The following MCUR1 variants were observed in gnomAD, a reference collection of about 807,000 sequenced individuals.
MCUR1 encodes the protein MCU regulator 1.
In MCUR1, 37 loss-of-function variants were observed where a neutral mutation model predicts 42.0. The observed-to-expected ratio is 0.88, with a 90% CI of 0.68 to 1.16. MCUR1 has a LOEUF of 1.16. MCUR1 is among the 50% of genes most tolerant of loss of function. MCUR1 has a pLI of 0.00. For missense variants in MCUR1, 469 were observed against 468.4 expected, an observed-to-expected ratio of 1.00 and a Z score of -0.01; for synonymous variants, 229 against 196.2, an observed-to-expected ratio of 1.17 and a Z score of -1.40.
In MCUR1 at chr6:13,802,354, A is replaced by C. The variant is rs41271332; in HGVS notation, c.536-8T>G. On this transcript the variant is annotated splice_region_variant and splice_polypyrimidine_tract_variant and intron_variant, in intron 2 of 8. Transcript: ENST00000379170. ...CTTGTTGAGTAGCAAACCCTAAGCA[A>C]GCACACAAGCAAAAAAAATCATGCT... is the stretch of plus-strand genomic sequence containing the variant. 1.3e-4 allele frequency: 202 copies of C among 1,609,226 alleles called. No individual in the cohort carries two copies. The highest frequency in any genetic ancestry group is 4.2e-4 in the Admixed American group (25 of 59,828).
Position 13,814,467 on chromosome 6 carries a change from C to T in MCUR1, c.-38G>A, listed in dbSNP as rs944786419. On this transcript the variant is annotated 5_prime_UTR_variant, in exon 1 of 9. Transcript: ENST00000379170. ...CACTGGCCCGGGCGCGCGCTCATGCCTCTCGCTTTTGGCGCCGGCCACGCG... is the reference window on the plus strand; with the variant it reads ...CACTGGCCCGGGCGCGCGCTCATGCTTCTCGCTTTTGGCGCCGGCCACGCG... The T allele has an allele frequency of 2.3e-5, 33 of 1,449,840 alleles. No homozygotes were observed. The highest frequency in any genetic ancestry group is 2.6e-5 in the Non-Finnish European group (29 of 1,111,342). 89.8% of individuals were successfully genotyped at this position (1,449,840 alleles called of 1,614,324 possible).
chr6:13,806,043 C>T (rs936572464), intron 2 of MCUR1, among the ~76,000 whole-genome samples: 2 of 152,200 alleles, frequency 1.3e-5, no homozygotes, highest in Admixed American at 6.5e-5. Context: ...ATCACAAGGT[C>T]AGGAGTTCGA....
At chr6:13,797,424 T>C (rs550884177) in intron 6 of MCUR1, among the ~76,000 whole-genome samples, 18 of 152,228 alleles carry the variant, frequency 1.2e-4, no homozygotes, top group African/African-American at 4.3e-4. Context: ...TAAAACACAC[T>C]TAGGCCGGGC....
At chr6:13,803,200 T>C (rs1760031101) in intron 2 of MCUR1, among the ~76,000 whole-genome samples, 1 of 152,188 alleles carries the variant, frequency 6.6e-6, no homozygotes, top group Admixed American at 6.5e-5. Flanking sequence ...TAGCTGGAAT[T>C]ACAGGCATGC....
Position 13,814,334 on chromosome 6 carries a change from G to T in MCUR1, c.96C>A (p.Gly32=). The change falls in exon 1 of 9, where the codon GGC becomes GGA. Residue 32 remains glycine, a synonymous_variant. Coordinates refer to ENST00000379170, the MANE Select transcript of MCUR1 (RefSeq NM_001031713.4). ...AGCGGCGTGCTGAGGTTTCGCTGCC[G>T]CCCGGTCTTCCGCTGAGGCCCACGG... ...FLPVGLSGRP[G]GSETSARRCL... 1 of 1,509,828 alleles carries T rather than the reference G, an allele frequency of 6.6e-7. No individual in the cohort carries two copies. The highest frequency in any genetic ancestry group is 8.8e-7 in the Non-Finnish European group (1 of 1,136,070). The allele number at this position is 1,509,828 out of a possible 1,614,324, so 93.5% of individuals were successfully genotyped here.
chr6:13,798,773 C>A, intron 6 of MCUR1, 60 bp downstream of exon 6: 1 of 1,337,044 alleles, frequency 7.5e-7, no homozygotes, highest in Non-Finnish European at 1.1e-6. Context: ...TTAGGCTTAA[C>A]CAAGCATTCC....
intron 4 of MCUR1, 55 bp from the exon 5 acceptor site, chr6:13,800,437 C>G (rs376601473): frequency 4.1e-6 from 4 of 975,780 alleles, no homozygotes; most frequent in East Asian, 2.6e-5. Context: ...ACGTAGTAAC[C>G]AACAAATATT....
Position 13,787,759 on chromosome 6 carries a change from G to C in MCUR1, c.*3050C>G, listed in dbSNP as rs904905934. On this transcript the variant is annotated 3_prime_UTR_variant, in exon 9 of 9. Coordinates refer to ENST00000379170, the MANE Select transcript of MCUR1 (RefSeq NM_001031713.4). ...CCCATGTGCTAGACATAGGTTGCTA[G>C]CTAGAAGTTTTGCCAGCCATCTTCC... The C allele has an allele frequency of 6.6e-6, 1 of 152,226 alleles. No individual in the cohort carries two copies. The highest frequency in any genetic ancestry group is 6.5e-5 in the Admixed American group (1 of 15,274). 9.4% of individuals were successfully genotyped at this position (152,226 alleles called of 1,614,324 possible). A position where few individuals can be genotyped will look rare whatever the true frequency, so the allele number is the denominator to read the frequency against.
At position 13,790,730 on chromosome 6, in the gene MCUR1, G is replaced by A. The variant is rs1277362530; in HGVS notation, c.*79C>T. On this transcript the variant is annotated 3_prime_UTR_variant, in exon 9 of 9. Transcript: ENST00000379170. ...AGCCTCCCAAAGTGCTGGAATTACA[G>A]GTGTGAGCCACCGCACCCAGCCAAC... 8.9e-7 allele frequency: 1 copy of A among 1,121,264 alleles called. No homozygotes were observed. The highest frequency in any genetic ancestry group is 1.3e-6 in the Non-Finnish European group (1 of 754,446). The allele number at this position is 1,121,264 out of a possible 1,614,324, so 69.5% of individuals were successfully genotyped here.
At chr6:13,797,070 T>C (rs767918530) in intron 6 of MCUR1, among the ~76,000 whole-genome samples, 45 of 152,222 alleles carry the variant, frequency 3.0e-4, no homozygotes, top group Admixed American at 5.9e-4. Context: ...TTATTTTGTA[T>C]AACGAAGCTT....
At position 13,813,540 on chromosome 6, in the gene MCUR1, G is replaced by T. The variant is rs144047054; in HGVS notation, c.415+475C>A. Among the ~76,000 whole-genome samples the T allele has an allele frequency of 2.0e-5, 3 of 152,292 alleles. No homozygotes were observed. In the East Asian group the frequency reaches 5.8e-4, roughly 29 times the overall value. ...ATATATCTCACACATCTAGAAAAGC[G>T]CCAGGGACAGGGCAGACGCTAGGAC... On this transcript the variant is annotated intron_variant, in intron 1 of 8. Transcript: ENST00000379170.
At chr6:13,797,490 C>T (rs553331971) in intron 6 of MCUR1, among the ~76,000 whole-genome samples, 2 of 151,732 alleles carry the variant, frequency 1.3e-5, no homozygotes, top group South Asian at 2.1e-4. Flanking sequence ...GGGCGGATCA[C>T]GAGGTCAGGA....
At chr6:13,804,908 T>C (rs1310533757) in intron 2 of MCUR1, among the ~76,000 whole-genome samples, 2 of 150,194 alleles carry the variant, frequency 1.3e-5, no homozygotes, top group Non-Finnish European at 1.5e-5. Context: ...ATGACAGGCA[T>C]ATGAGAAATT....
intron 2 of MCUR1, among the ~76,000 whole-genome samples, chr6:13,805,450 G>A (rs903691237): frequency 1.3e-5 from 2 of 152,104 alleles, no homozygotes; most frequent in South Asian, 2.1e-4. Flanking sequence ...TCATTCATGC[G>A]TATTATCTTG....
At chr6:13,799,064 C>T (rs1759927017) in intron 5 of MCUR1, among the ~76,000 whole-genome samples, 160 bp from the exon 6 acceptor site, 1 of 152,212 alleles carries the variant, frequency 6.6e-6, no homozygotes, top group African/African-American at 2.4e-5. Context: ...TGGACCTAGG[C>T]CTCCTGGCAT....
At chr6:13,797,398 C>A (rs567728898) in intron 6 of MCUR1, among the ~76,000 whole-genome samples, 1 of 152,040 alleles carries the variant, frequency 6.6e-6, no homozygotes, top group Non-Finnish European at 1.5e-5. Flanking sequence ...AGAGGCAACC[C>A]GACACATATC....
chr6:13,812,902 C>A (rs1226713814), intron 1 of MCUR1, among the ~76,000 whole-genome samples: 1 of 152,180 alleles, frequency 6.6e-6, no homozygotes, highest in Non-Finnish European at 1.5e-5. Context: ...CTTTCCTCAT[C>A]TCCAGGGCAG....
chr6:13,807,163 G>T, intron 1 of MCUR1, 119 bp from the exon 2 acceptor site: 2 of 1,106,538 alleles, frequency 1.8e-6, no homozygotes, highest in Non-Finnish European at 2.5e-6. Flanking sequence ...CAGCTTCGTT[G>T]AGATATACAA....
chr6:13,796,442 C>A (rs766317337), intron 6 of MCUR1, among the ~76,000 whole-genome samples: 1 of 151,922 alleles, frequency 6.6e-6, no homozygotes, highest in Non-Finnish European at 1.5e-5. Flanking sequence ...TGGGCCATCA[C>A]GCTGGGCTAA....
Sources: gnomAD v4.1 joint callset for allele counts (sites outside exome capture counted in the v4.1 genomes callset) on GRCh38, gnomAD v4.1.1 for gene constraint, MANE v1.5 for transcripts, NCBI Gene and HGNC (gene_info 2026-07-23, HGNC 2026-07-21) for gene names.